Variants in ZDHHC20 observed in about 807,000 individuals in gnomAD.
ZDHHC20 encodes the protein palmitoyltransferase ZDHHC20.
Under a neutral mutation model 57.8 loss-of-function variants are expected in ZDHHC20, and 43 were observed. That is an observed-to-expected ratio of 0.74 (90% CI 0.58 to 0.96). The LOEUF is 0.96. ZDHHC20 is among the 40% of genes least tolerant of loss of function. The pLI is 0.00. For synonymous variants in ZDHHC20, 157 were observed against 153.0 expected, an observed-to-expected ratio of 1.03 and a Z score of -0.19; for missense variants, 391 against 441.1, an observed-to-expected ratio of 0.89 and a Z score of 1.02.
intron 6 of ZDHHC20, 97 bp downstream of exon 6, chr13:21,401,556 T>C (rs978345577): frequency 3.1e-5 from 32 of 1,027,870 alleles, no homozygotes; most frequent in Non-Finnish European, 4.2e-5. Flanking sequence ...TCTTAATATC[T>C]ATGAGTAAAC....
chr13:21,448,381 C>G (rs1215716316), intron 1 of ZDHHC20, among the ~76,000 whole-genome samples: 1 of 118,152 alleles, frequency 8.5e-6, no homozygotes, highest in African/African-American at 2.9e-5. Flanking sequence ...GGGTCAGCCC[C>G]CCGCCCGGCC....
At chr13:21,394,289 CTT>C (rs1395370823) in intron 7 of ZDHHC20, among the ~76,000 whole-genome samples, 1 of 152,224 alleles carries the variant, frequency 6.6e-6, no homozygotes, top group East Asian at 1.9e-4. Context: ...CCTGAATGCT[CTT>C]CTCTCAGATA....
intron 4 of ZDHHC20, chr13:21,404,478 G>A: frequency 2.4e-6 from 1 of 420,514 alleles, no homozygotes; most frequent in East Asian, 7.1e-5. Flanking sequence ...GCTGGGCACA[G>A]TGGCTCACAC....
At chr13:21,420,073 G>A (rs1880477475) in intron 3 of ZDHHC20, among the ~76,000 whole-genome samples, 1 of 152,102 alleles carries the variant, frequency 6.6e-6, no homozygotes, top group African/African-American at 2.4e-5. Context: ...GATCACCCGA[G>A]GCCAGGAGTT....
chr13:21,419,209 C>T (rs1397539181), intron 3 of ZDHHC20, among the ~76,000 whole-genome samples: 2 of 152,068 alleles, frequency 1.3e-5, no homozygotes, highest in East Asian at 3.8e-4. Context: ...GTAACAAATG[C>T]CTGATGAATA....
In ZDHHC20 at chr13:21,432,653, A is replaced by C. The variant is rs140305801; in HGVS notation, c.119-6975T>G. On this transcript the variant is annotated intron_variant, in intron 1 of 12. Transcript: ENST00000400590. ...GGACAACTTTTTTGTATTTTTAATA[A>C]AGATAGGGTTTCACCATGTTGGCCA... Among the ~76,000 whole-genome samples, 1,026 of 151,980 alleles carry C rather than the reference A, an allele frequency of 6.8e-3. 15 individuals are homozygous for C. Among genetic ancestry groups the C allele is most frequent in the African/African-American group, 0.023 (959 of 41,474 alleles).
chr13:21,447,290 C>CTCCCTCTCCG (rs1883822046), intron 1 of ZDHHC20, among the ~76,000 whole-genome samples: 1 of 147,486 alleles, frequency 6.8e-6, no homozygotes, highest in Non-Finnish European at 1.5e-5. Context: ...CTCCCTCTCC[C>CTCCCTCTCCG]TCTCCCTCTC....
chr13:21,458,988 C>A lies in ZDHHC20; in HGVS notation c.118+66G>T, dbSNP rs1885160363. The stretch of plus-strand genomic sequence containing the variant: ...CCAGAAAGGCGGCGGGTGTGGGGCG[C>A]AGAGGCCTATCTCGCGCCCTAGCCG... On this transcript the variant is annotated intron_variant, in intron 1 of 12. Coordinates refer to ENST00000400590, the MANE Select transcript of ZDHHC20 (RefSeq NM_001330059.2). The A allele has an allele frequency of 6.3e-6, 8 of 1,275,814 alleles. No homozygotes were observed. In the South Asian group the frequency reaches 1.1e-4, roughly 17 times the overall value. 79.0% of individuals were successfully genotyped at this position (1,275,814 alleles called of 1,614,324 possible).
At chr13:21,419,256 C>T (rs777717632) in intron 3 of ZDHHC20, among the ~76,000 whole-genome samples, 6 of 150,268 alleles carry the variant, frequency 4.0e-5, no homozygotes, top group Admixed American at 3.3e-4. Flanking sequence ...TTATAGTTTA[C>T]TTTACCTTTT....
intron 11 of ZDHHC20, among the ~76,000 whole-genome samples, chr13:21,380,078 G>A (rs1873020660): frequency 6.6e-6 from 1 of 151,600 alleles, no homozygotes; most frequent in Non-Finnish European, 1.5e-5. Flanking sequence ...GCCTCCCAAA[G>A]TGCTGGGATT....
At chr13:21,444,827 G>A (rs1381732080) in intron 1 of ZDHHC20, among the ~76,000 whole-genome samples, 1 of 152,104 alleles carries the variant, frequency 6.6e-6, no homozygotes, top group Non-Finnish European at 1.5e-5. Context: ...AGGCTGAGGT[G>A]GGAGGACTGC....
intron 1 of ZDHHC20, among the ~76,000 whole-genome samples, chr13:21,433,333 C>G (rs1882195505): frequency 6.6e-6 from 1 of 151,900 alleles, no homozygotes; most frequent in African/African-American, 2.4e-5. Context: ...AATACTCAAA[C>G]AAGGCCAGGC....
At chr13:21,426,340 T>A (rs1298620835) in intron 1 of ZDHHC20, among the ~76,000 whole-genome samples, 1 of 152,204 alleles carries the variant, frequency 6.6e-6, no homozygotes. Context: ...CCTCGAGTCC[T>A]GTTGGTTCTA....
chr13:21,428,125 G>A (rs1250512998), intron 1 of ZDHHC20, among the ~76,000 whole-genome samples: 1 of 152,180 alleles, frequency 6.6e-6, no homozygotes, highest in Non-Finnish European at 1.5e-5. Flanking sequence ...TAACTACAGA[G>A]ACAAAGACAT....
chr13:21,397,503 A>C (rs557315021), intron 7 of ZDHHC20, among the ~76,000 whole-genome samples: 110 of 152,148 alleles, frequency 7.2e-4, no homozygotes, highest in Non-Finnish European at 1.4e-3. Flanking sequence ...CTCTACAAAC[A>C]ATACAAAAAT....
chr13:21,451,889 G>A (rs1252477216), intron 1 of ZDHHC20, among the ~76,000 whole-genome samples: 1 of 151,840 alleles, frequency 6.6e-6, no homozygotes, highest in Non-Finnish European at 1.5e-5. Flanking sequence ...AACTACTTGA[G>A]AGGCTGAGGC....
intron 1 of ZDHHC20, among the ~76,000 whole-genome samples, chr13:21,438,501 A>C (rs1413266610): frequency 6.6e-6 from 1 of 152,240 alleles, no homozygotes; most frequent in Non-Finnish European, 1.5e-5. Flanking sequence ...TGAAGATGTG[A>C]TGGAATTGCT....
rs572938547 is a variant in ZDHHC20, at chr13:21,428,684, C to A, written c.119-3006G>T. ...GACCAGCCTGGCCAAGATGGTGAAACCCCATCTCTACTAAAAATACAAAAA... is the reference window on the plus strand; with the variant it reads ...GACCAGCCTGGCCAAGATGGTGAAAACCCATCTCTACTAAAAATACAAAAA... On this transcript the variant is annotated intron_variant, in intron 1 of 12. Transcript: ENST00000400590. 4.6e-5 allele frequency among the ~76,000 whole-genome samples: 7 copies of A among 151,460 alleles called. No homozygotes were observed. The South Asian group carries it at 8.4e-4, about 18-fold the overall frequency.
At chr13:21,458,928 G>T (rs1885153327) in intron 1 of ZDHHC20, 126 bp downstream of exon 1, 2 of 654,968 alleles carry the variant, frequency 3.1e-6, no homozygotes, top group Non-Finnish European at 4.7e-6. Flanking sequence ...TTCCGAGCGC[G>T]TTCGGGGCCG....
Sources: gnomAD v4.1 joint callset for allele counts (sites outside exome capture counted in the v4.1 genomes callset) on GRCh38, gnomAD v4.1.1 for gene constraint, MANE v1.5 for transcripts, NCBI Gene and HGNC (gene_info 2026-07-23, HGNC 2026-07-21) for gene names.